NUP62CL: variants seen among roughly 807,000 people sequenced by gnomAD.
NUP62CL encodes nucleoporin-62 C-terminal-like protein.
A neutral mutation model predicts 15.3 loss-of-function variants in NUP62CL; 13 were observed. That is an observed-to-expected ratio of 0.85 (90% CI 0.55 to 1.35). The LOEUF is 1.35. Ranked by LOEUF, NUP62CL falls within the 40% of genes most tolerant of loss-of-function variation. The probability of loss-of-function intolerance (pLI) is 0.00; values close to 1 mark genes in which losing one functional copy is unlikely to be tolerated. For missense variants in NUP62CL, 123 were observed against 130.6 expected, an observed-to-expected ratio of 0.94 and a Z score of 0.28; for synonymous variants, 54 against 49.2, an observed-to-expected ratio of 1.10 and a Z score of -0.41.
intron 4 of NUP62CL, among the ~76,000 whole-genome samples, chrX:107,155,315 T>G (rs1926149486): frequency 8.9e-6 from 1 of 112,307 alleles, no homozygotes; most frequent in Admixed American, 9.4e-5. Flanking sequence ...ACATTATGCT[T>G]CTTCTTCCCT....
chrX:107,185,615 A>G (rs1165490676), intron 2 of NUP62CL, among the ~76,000 whole-genome samples: 2 of 111,738 alleles, frequency 1.8e-5, no homozygotes, highest in Non-Finnish European at 3.8e-5. Context: ...AACACTATAG[A>G]CAAATCAAAA....
chrX:107,177,780 CTG>C (rs1271068141), intron 2 of NUP62CL, among the ~76,000 whole-genome samples: 1 of 111,559 alleles, frequency 9.0e-6, no homozygotes, highest in Non-Finnish European at 1.9e-5. Context: ...CTTTGGAAAA[CTG>C]TCTGGCATTT....
intron 2 of NUP62CL, among the ~76,000 whole-genome samples, chrX:107,188,601 C>T (rs1927130953): frequency 9.0e-6 from 1 of 111,085 alleles, no homozygotes; most frequent in African/African-American, 3.3e-5. Context: ...CACTCTTATC[C>T]AAAACAGTGC....
intron 8 of NUP62CL, among the ~76,000 whole-genome samples, chrX:107,127,266 GA>G (rs1925411631): frequency 9.0e-6 from 1 of 111,491 alleles, no homozygotes; most frequent in South Asian, 3.7e-4. Context: ...TATAAAGACA[GA>G]AAGTAGATTA....
intron 2 of NUP62CL, among the ~76,000 whole-genome samples, chrX:107,177,760 T>C (rs929833496): frequency 9.0e-6 from 1 of 111,437 alleles, no homozygotes; most frequent in Non-Finnish European, 1.9e-5. Flanking sequence ...AAATGTAAAA[T>C]TCTGTACCTC....
At chrX:107,131,475 T>A (rs1477486455) in intron 8 of NUP62CL, among the ~76,000 whole-genome samples, 1 of 112,350 alleles carries the variant, frequency 8.9e-6, no homozygotes, top group Non-Finnish European at 1.9e-5. Context: ...AGCTTTATAA[T>A]GGATAGTAAA....
At chrX:107,182,102 G>A (rs766224599) in intron 2 of NUP62CL, among the ~76,000 whole-genome samples, 1 of 112,245 alleles carries the variant, frequency 8.9e-6, no homozygotes, top group East Asian at 2.8e-4. Flanking sequence ...GGTAACTAGG[G>A]GAGCAAATAC....
At chrX:107,178,947 G>T (rs1016782531) in intron 2 of NUP62CL, among the ~76,000 whole-genome samples, 3 of 109,074 alleles carry the variant, frequency 2.8e-5, no homozygotes, top group African/African-American at 1.0e-4. Flanking sequence ...AAAAAAAAAT[G>T]AGCTGGGTGT....
chrX:107,162,050 A>C (rs902192621), intron 4 of NUP62CL, among the ~76,000 whole-genome samples: 2 of 110,634 alleles, frequency 1.8e-5, no homozygotes, highest in African/African-American at 6.5e-5. Context: ...TATGAAAAAC[A>C]ACCAAATGAA....
At chrX:107,152,087 TATATATATTCAG>T (rs1363142397) in intron 7 of NUP62CL, among the ~76,000 whole-genome samples, 28 of 77,225 alleles carry the variant, frequency 3.6e-4, no homozygotes, top group African/African-American at 1.4e-3. Flanking sequence ...CAGATATATA[TATATATATTCAG>T]ATATATATAT....
intron 4 of NUP62CL, 103 bp from the exon 5 acceptor site, chrX:107,154,349 G>T: frequency 3.3e-6 from 2 of 611,621 alleles, no homozygotes; most frequent in Non-Finnish European, 2.4e-6. Flanking sequence ...AAAACAGCAT[G>T]TAAGGAATTT....
chrX:107,160,744 C>A (rs1159455254), intron 4 of NUP62CL, among the ~76,000 whole-genome samples: 5 of 110,942 alleles, frequency 4.5e-5, no homozygotes, highest in East Asian at 5.6e-4. Context: ...GTCCAAAACA[C>A]CAAAAGCAAT....
At chrX:107,198,179 GT>G (rs1927398415) in intron 1 of NUP62CL, among the ~76,000 whole-genome samples, 1 of 111,464 alleles carries the variant, frequency 9.0e-6, no homozygotes. Flanking sequence ...CTAGCTAAAG[GT>G]TTGTAAACAC....
chrX:107,182,860 C>T (rs1269903439), intron 2 of NUP62CL, among the ~76,000 whole-genome samples: 5 of 111,500 alleles, frequency 4.5e-5, no homozygotes, highest in Admixed American at 1.9e-4. Flanking sequence ...TATGAATAAG[C>T]TGTGAGAGAA....
chrX:107,179,658 T>C (rs1189570883), intron 2 of NUP62CL, among the ~76,000 whole-genome samples: 3 of 112,260 alleles, frequency 2.7e-5, no homozygotes, highest in African/African-American at 9.7e-5. Context: ...GACTTTGCCA[T>C]TGTGAACAGT....
At chrX:107,152,151 G>GAT (rs760687909) in intron 7 of NUP62CL, among the ~76,000 whole-genome samples, 2,991 of 42,735 alleles carry the variant, frequency 0.07, 371 homozygotes, top group African/African-American at 0.31. Context: ...TATATATTCA[G>GAT]ATATATATAT....
In NUP62CL at chrX:107,139,950, T is replaced by C. The variant is rs138951307; in HGVS notation, c.*42+7793A>G. On this transcript the variant is annotated intron_variant, in intron 8 of 8. Transcript: ENST00000372466. ...AAATCAAAGTTACACTCAGAATTAA[T>C]GTACCTGAATTCCTAGTGCTAAGTA... Among the ~76,000 whole-genome samples, 121 of 111,698 alleles carry C rather than the reference T, an allele frequency of 1.1e-3. 1 individual carries two copies. The highest frequency in any genetic ancestry group is 3.8e-3 in the African/African-American group (117 of 30,805).
chrX:107,153,738 C>G (rs986744459), intron 5 of NUP62CL, among the ~76,000 whole-genome samples: 2 of 111,696 alleles, frequency 1.8e-5, no homozygotes, highest in African/African-American at 6.5e-5. Flanking sequence ...GAGGCTGAGG[C>G]AGGAGGATCA....
chrX:107,201,891 T>A (rs1927495089), intron 1 of NUP62CL, among the ~76,000 whole-genome samples: 1 of 110,810 alleles, frequency 9.0e-6, no homozygotes, highest in African/African-American at 3.3e-5. Context: ...TGAGCCAAGA[T>A]CACGTGGCTG....
Sources: allele counts gnomAD v4.1 joint callset (sites outside exome capture counted in the v4.1 genomes callset), GRCh38; gene constraint gnomAD v4.1.1; transcripts MANE v1.5; gene names NCBI Gene and HGNC (gene_info 2026-07-23, HGNC 2026-07-21).